The following NIPA1 variants were observed in gnomAD, a reference collection of about 807,000 sequenced individuals.
NIPA1 encodes magnesium transporter NIPA1.
NIPA1 carries 13 observed loss-of-function variants against 23.9 expected under a neutral mutation model. The observed-to-expected ratio is 0.54, with a 90% CI of 0.35 to 0.87. The LOEUF (loss-of-function observed/expected upper bound fraction) is 0.87, where lower values mean the gene tolerates loss of function less well. Ranked by LOEUF, NIPA1 falls within the 40% of genes least tolerant of loss-of-function variation. The pLI, the probability that NIPA1 is intolerant of heterozygous loss-of-function variation, is 0.01. For missense variants in NIPA1, 362 were observed against 429.7 expected, an observed-to-expected ratio of 0.84 and a Z score of 1.39; for synonymous variants, 234 against 202.9, an observed-to-expected ratio of 1.15 and a Z score of -1.30.
At chr15:22,794,942 C>G (rs530846415) in intron 1 of NIPA1, among the ~76,000 whole-genome samples, 6 of 152,138 alleles carry the variant, frequency 3.9e-5, no homozygotes, top group Non-Finnish European at 8.8e-5. Context: ...CATTCCCCCC[C>G]ATCCCAGCTC....
Position 22,812,389 on chromosome 15 carries a change from C to T in NIPA1, c.317+136C>T, listed in dbSNP as rs111315527. 31 of 684,708 alleles carry T rather than the reference C, an allele frequency of 4.5e-5. No individual in the cohort carries two copies. In the African/African-American group the frequency reaches 4.8e-4, roughly 11 times the overall value. 42.4% of individuals were successfully genotyped at this position (684,708 alleles called of 1,614,324 possible). ...TCTTCAGGCCGGGCATGGTGGCTTA[C>T]GCCTGTAATCCCAGCACTTTGGGAG... On this transcript the variant is annotated intron_variant, in intron 3 of 4. Coordinates refer to ENST00000337435, the MANE Select transcript of NIPA1 (RefSeq NM_144599.5).
Position 22,786,754 on chromosome 15 carries a change from G to T in NIPA1, c.98G>T (p.Gly33Val), listed in dbSNP as rs1894713210. 2 of 1,316,122 alleles carry T rather than the reference G, an allele frequency of 1.5e-6. No homozygotes were observed. 81.5% of individuals were successfully genotyped at this position (1,316,122 alleles called of 1,614,324 possible). A position where few individuals can be genotyped will look rare whatever the true frequency, so the allele number is the denominator to read the frequency against. ...PSPAAVSLGL[G>V]VAVVSSLVNG... The stretch of plus-strand genomic sequence containing the variant: ...CCCGCCGCCGTGTCGCTCGGCCTGG[G>T]CGTGGCCGTCGTGTCGAGCCTGGTG... The change falls in exon 1 of 5, where the codon GGC becomes GTC. Residue 33 changes from glycine to valine, a missense_variant. Physicochemically the swap from Gly to Val is moderately radical, Grantham distance 109. Transcript: ENST00000337435.
chr15:22,823,610 C>T lies in NIPA1; in HGVS notation c.479-118C>T, dbSNP rs937716414. ...AGCCCACATGCTCCCCAGGGCTGTGCCGCAGTAGAGGCCGGTGGCGGGTGG... is the reference window on the plus strand; with the variant it reads ...AGCCCACATGCTCCCCAGGGCTGTGTCGCAGTAGAGGCCGGTGGCGGGTGG... On this transcript the variant is annotated intron_variant, in intron 4 of 4. Transcript: ENST00000337435. The T allele has an allele frequency of 1.1e-5, 11 of 969,282 alleles. No individual in the cohort carries two copies. In the African/African-American group the frequency reaches 1.3e-4, roughly 11 times the overall value. 60.0% of individuals were successfully genotyped at this position (969,282 alleles called of 1,614,324 possible).
In NIPA1 at chr15:22,806,660, G is replaced by A. The variant is rs761173563; in HGVS notation, c.179-4089G>A. On this transcript the variant is annotated intron_variant, in intron 1 of 4. Transcript: ENST00000337435. ...TGAGAGTGCTGGCTAATGAGCTTTC[G>A]GAACAACAGTGCTTAGGGGCAGCAA... Among the ~76,000 whole-genome samples the A allele has an allele frequency of 2.7e-4, 22 of 80,540 alleles. 2 individuals are homozygous for A. The highest frequency in any genetic ancestry group is 1.6e-3 in the African/African-American group (5 of 3,212). The allele number at this position is 80,540 out of a possible 152,430, so 52.8% of individuals were successfully genotyped here. A position where few individuals can be genotyped will look rare whatever the true frequency, so the allele number is the denominator to read the frequency against.
At chr15:22,815,910 C>T (rs1895404495) in intron 3 of NIPA1, among the ~76,000 whole-genome samples, 1 of 152,068 alleles carries the variant, frequency 6.6e-6, no homozygotes, top group Non-Finnish European at 1.5e-5. Context: ...ATGACGAAAA[C>T]TCTCAATATG....
At chr15:22,788,588 T>G (rs1465723996) in intron 1 of NIPA1, among the ~76,000 whole-genome samples, 1 of 151,090 alleles carries the variant, frequency 6.6e-6, no homozygotes, top group Non-Finnish European at 1.5e-5. Flanking sequence ...AGGAGGAGCC[T>G]AAGAACACGT....
chr15:22,821,506 G>T (rs1662083738), intron 4 of NIPA1, among the ~76,000 whole-genome samples: 1 of 149,896 alleles, frequency 6.7e-6, no homozygotes, highest in Admixed American at 6.7e-5. Flanking sequence ...ACACTCGCTG[G>T]TTTTCTCGTC....
At chr15:22,786,245 T>G (rs1894692780), upstream of NIPA1, 2 of 151,874 alleles carry the variant, frequency 1.3e-5, no homozygotes, top group Admixed American at 1.3e-4. Flanking sequence ...GGCTTCGCGC[T>G]CCGGTGAGTT....
intron 3 of NIPA1, among the ~76,000 whole-genome samples, chr15:22,812,899 C>A (rs1200307709): frequency 6.6e-6 from 1 of 152,114 alleles, no homozygotes; most frequent in African/African-American, 2.4e-5. Flanking sequence ...ACTCATTAAG[C>A]AAAATGACTG....
At position 22,795,582 on chromosome 15, in the gene NIPA1, G is replaced by T. The variant is rs913370005; in HGVS notation, c.178+8748G>T. ...GGGCTCCCTTGGACGCCCTTACAGC[G>T]TGCTGGTCTCTGGGAAGCCAGACCC... On this transcript the variant is annotated intron_variant, in intron 1 of 4. Coordinates refer to ENST00000337435, the MANE Select transcript of NIPA1 (RefSeq NM_144599.5). Among the ~76,000 whole-genome samples, 9 of 152,160 alleles carry T rather than the reference G, an allele frequency of 5.9e-5. No individual in the cohort carries two copies. In the South Asian group the frequency reaches 1.9e-3, roughly 31 times the overall value.
chr15:22,808,046 C>T (rs893409365), intron 1 of NIPA1, among the ~76,000 whole-genome samples: 1 of 152,068 alleles, frequency 6.6e-6, no homozygotes, highest in Non-Finnish European at 1.5e-5. Context: ...ACTTCGGCCT[C>T]GCAAAGTGCT....
At chr15:22,822,126 G>A (rs1390173588) in intron 4 of NIPA1, among the ~76,000 whole-genome samples, 1 of 152,122 alleles carries the variant, frequency 6.6e-6, no homozygotes, top group Non-Finnish European at 1.5e-5. Flanking sequence ...ATGATCCTCA[G>A]ATGGAGCATA....
At chr15:22,802,364 C>T (rs1595635610) in intron 1 of NIPA1, among the ~76,000 whole-genome samples, 1 of 142,834 alleles carries the variant, frequency 7.0e-6, no homozygotes, top group African/African-American at 2.7e-5. Context: ...TGCCCTTCAA[C>T]CTGGGCGACA....
At chr15:22,795,220 C>T (rs922876554) in intron 1 of NIPA1, among the ~76,000 whole-genome samples, 2 of 152,106 alleles carry the variant, frequency 1.3e-5, no homozygotes, top group East Asian at 1.9e-4. Context: ...GCGTGAGAGT[C>T]GGGAGTCTTT....
chr15:22,791,806 A>G (rs375818669), intron 1 of NIPA1, among the ~76,000 whole-genome samples: 2 of 152,266 alleles, frequency 1.3e-5, no homozygotes, highest in South Asian at 2.1e-4. Flanking sequence ...AATCAGCCAG[A>G]TACACAGTAC....
At chr15:22,791,416 A>G (rs1308406007) in intron 1 of NIPA1, among the ~76,000 whole-genome samples, 1 of 146,710 alleles carries the variant, frequency 6.8e-6, no homozygotes, top group East Asian at 2.1e-4. Flanking sequence ...TCTTCAGGGG[A>G]GTCAAGTTCT....
Position 22,823,792 on chromosome 15 carries a change from G to T in NIPA1, c.543G>T (p.Pro181=), listed in dbSNP as rs377271508. The stretch of plus-strand genomic sequence containing the variant: ...TGCTGCTCATCTTCTGGATCGCGCC[G>T]GCCCATGGGCCCACCAACATCATGG... ...MLLLLIFWIA[P]AHGPTNIMVY... Residue 181 remains proline, a synonymous_variant, in exon 5 of 5, where the codon CCG becomes CCT. Transcript: ENST00000337435. The T allele has an allele frequency of 6.2e-7, 1 of 1,613,774 alleles. No homozygotes were observed. Among genetic ancestry groups the T allele is most frequent in the South Asian group, 1.1e-5 (1 of 91,058 alleles).
chr15:22,815,631 A>G (rs1483180771), intron 3 of NIPA1, among the ~76,000 whole-genome samples: 1 of 152,160 alleles, frequency 6.6e-6, no homozygotes, highest in Non-Finnish European at 1.5e-5. Flanking sequence ...CGCCCCCCAA[A>G]AAAACAAAGA....
intron 1 of NIPA1, among the ~76,000 whole-genome samples, chr15:22,802,391 C>CAATAAAA (rs1895103735): frequency 8.7e-6 from 1 of 114,644 alleles, no homozygotes; most frequent in Admixed American, 9.1e-5. Flanking sequence ...GACTCTGTCT[C>CAATAAAA]AAAAAAAAAA....
Sources: allele counts gnomAD v4.1 joint callset (sites outside exome capture counted in the v4.1 genomes callset), GRCh38; gene constraint gnomAD v4.1.1; transcripts MANE v1.5; gene names NCBI Gene and HGNC (gene_info 2026-07-23, HGNC 2026-07-21).